The following TFPI variants were observed in gnomAD, a reference collection of about 807,000 sequenced individuals.
TFPI encodes the protein anti-convertin.
Under a neutral mutation model 34.6 loss-of-function variants are expected in TFPI, and 15 were observed. That is an observed-to-expected ratio of 0.43 (90% CI 0.29 to 0.67). The LOEUF (loss-of-function observed/expected upper bound fraction) is 0.67, where lower values mean the gene tolerates loss of function less well. Ranked by LOEUF, TFPI falls within the 30% of genes least tolerant of loss-of-function variation. The probability of loss-of-function intolerance (pLI) is 0.15; values close to 1 mark genes in which losing one functional copy is unlikely to be tolerated. For synonymous variants in TFPI, 105 were observed against 120.1 expected, an observed-to-expected ratio of 0.87 and a Z score of 0.82; for missense variants, 301 against 364.0, an observed-to-expected ratio of 0.83 and a Z score of 1.41.
At chr2:187,544,203 G>A (rs1574535709) in intron 1 of TFPI, among the ~76,000 whole-genome samples, 1 of 152,204 alleles carries the variant, frequency 6.6e-6, no homozygotes, top group East Asian at 1.9e-4. Context: ...GGATGCTTAG[G>A]GGATGAGAGG....
intron 1 of TFPI, among the ~76,000 whole-genome samples, chr2:187,550,198 A>G (rs925786556): frequency 6.6e-6 from 1 of 152,106 alleles, no homozygotes; most frequent in African/African-American, 2.4e-5. Flanking sequence ...CTTCAGCTCA[A>G]TATTGATCTG....
At chr2:187,484,666 G>T in intron 5 of TFPI, 145 bp downstream of exon 5, 1 of 648,302 alleles carries the variant, frequency 1.5e-6, no homozygotes, top group Admixed American at 4.0e-5. Context: ...AAAAACTACA[G>T]TCACAAATCT....
intron 1 of TFPI, chr2:187,519,463 A>G (rs1197065785): frequency 2.0e-5 from 3 of 153,410 alleles, no homozygotes; most frequent in Non-Finnish European, 4.3e-5. Context: ...TTGCCTGGGT[A>G]TCACCAGCAG....
At chr2:187,492,342 G>A (rs973698011) in intron 3 of TFPI, among the ~76,000 whole-genome samples, 1 of 152,116 alleles carries the variant, frequency 6.6e-6, no homozygotes, top group Non-Finnish European at 1.5e-5. Flanking sequence ...AATTATTATA[G>A]TTTCAGGTTT....
chr2:187,513,803 C>T (rs1686810966), intron 1 of TFPI: 1 of 152,252 alleles, frequency 6.6e-6, no homozygotes, highest in South Asian at 2.1e-4. Context: ...TCTTTCCTCA[C>T]TCTATTGCTG....
At chr2:187,549,911 A>G (rs1689032729) in intron 1 of TFPI, among the ~76,000 whole-genome samples, 1 of 152,070 alleles carries the variant, frequency 6.6e-6, no homozygotes, top group Non-Finnish European at 1.5e-5. Context: ...ATAAGAAATT[A>G]TATTGGTCAG....
intron 2 of TFPI, among the ~76,000 whole-genome samples, chr2:187,501,477 GATTTTATTTT>G (rs1219576570): frequency 6.6e-6 from 1 of 151,946 alleles, no homozygotes; most frequent in Non-Finnish European, 1.5e-5. Flanking sequence ...CTAATTAAAG[GATTTTATTTT>G]ATTTTATTTT....
rs566263489 is a variant in TFPI at position 187,500,747 on chromosome 2, A to G, written c.121+2901T>C. Reference sequence around the variant, plus strand: ...TTTGTGCAGTGATCTTGCAGCCCACACCTAAGCACAGCATCCCTGGACTCA... The same window carrying G: ...TTTGTGCAGTGATCTTGCAGCCCACGCCTAAGCACAGCATCCCTGGACTCA... On this transcript the variant is annotated intron_variant, in intron 2 of 7. Transcript: ENST00000233156. Among the ~76,000 whole-genome samples, 285 of 152,232 alleles carry G rather than the reference A, an allele frequency of 1.9e-3. 2 individuals carry two copies. The highest frequency in any genetic ancestry group is 6.7e-3 in the African/African-American group (277 of 41,538).
At chr2:187,552,056 T>A (rs1359072979) in intron 1 of TFPI, among the ~76,000 whole-genome samples, 1 of 152,150 alleles carries the variant, frequency 6.6e-6, no homozygotes, top group Non-Finnish European at 1.5e-5. Flanking sequence ...TAATTTATAC[T>A]GATAAGATTT....
chr2:187,498,448 T>C (rs2106093841), intron 2 of TFPI, among the ~76,000 whole-genome samples: 1 of 151,918 alleles, frequency 6.6e-6, no homozygotes, highest in Non-Finnish European at 1.5e-5. Flanking sequence ...TGTAACAAAA[T>C]GATTGAAATG....
chr2:187,492,300 T>G (rs1345318379), intron 3 of TFPI, among the ~76,000 whole-genome samples: 1 of 152,200 alleles, frequency 6.6e-6, no homozygotes, highest in Admixed American at 6.5e-5. Flanking sequence ...TAGGTCAATA[T>G]GTAGGAGGGT....
chr2:187,531,489 T>G (rs972915404), intron 1 of TFPI, among the ~76,000 whole-genome samples: 2 of 152,046 alleles, frequency 1.3e-5, no homozygotes, highest in Non-Finnish European at 2.9e-5. Flanking sequence ...TTCACAGAAA[T>G]TTTTCTGTTT....
intron 3 of TFPI, among the ~76,000 whole-genome samples, chr2:187,491,924 G>A (rs1303151450): frequency 6.6e-6 from 1 of 151,934 alleles, no homozygotes; most frequent in Non-Finnish European, 1.5e-5. Flanking sequence ...TCTCATTGTG[G>A]TTTTAATTTG....
intron 3 of TFPI, 102 bp downstream of exon 3, chr2:187,496,779 T>C: frequency 9.3e-7 from 1 of 1,076,302 alleles, no homozygotes; most frequent in Non-Finnish European, 1.3e-6. Context: ...CTTGGAAATA[T>C]TAAAACAGCA....
chr2:187,484,023 G>T (rs1456729310), intron 6 of TFPI, 101 bp downstream of exon 6: 5 of 885,982 alleles, frequency 5.6e-6, no homozygotes, highest in African/African-American at 1.7e-5. Flanking sequence ...AACAACGCAG[G>T]TATATATATA....
intron 1 of TFPI, among the ~76,000 whole-genome samples, chr2:187,529,836 T>TTTCCTTTCCAC (rs1687869286): frequency 6.6e-6 from 1 of 152,214 alleles, no homozygotes; most frequent in African/African-American, 2.4e-5. Context: ...TCCACATAGC[T>TTTCCTTTCCAC]ATAGACTTTG....
intron 3 of TFPI, among the ~76,000 whole-genome samples, chr2:187,493,336 G>A (rs1214612731): frequency 2.0e-5 from 3 of 152,056 alleles, no homozygotes; most frequent in Non-Finnish European, 4.4e-5. Context: ...CACAGGGCAC[G>A]AAGTCCCTAG....
intron 4 of TFPI, 55 bp from the exon 5 acceptor site, chr2:187,485,042 G>A: frequency 8.6e-6 from 11 of 1,276,078 alleles, no homozygotes; most frequent in Non-Finnish European, 1.1e-5. Flanking sequence ...ATAAATTACT[G>A]ATTTTAATAA....
At chr2:187,546,910 A>G (rs1688897791) in intron 1 of TFPI, 1 of 152,230 alleles carries the variant, frequency 6.6e-6, no homozygotes, top group Non-Finnish European at 1.5e-5. Flanking sequence ...TGTGGGAGGT[A>G]CATGTGCTTT....
Sources: allele counts gnomAD v4.1 joint callset (sites outside exome capture counted in the v4.1 genomes callset), GRCh38; gene constraint gnomAD v4.1.1; transcripts MANE v1.5; gene names NCBI Gene and HGNC (gene_info 2026-07-23, HGNC 2026-07-21).